Variants in PALM2AKAP2 observed in about 807,000 individuals in gnomAD.
PALM2AKAP2 encodes PALM2-AKAP2 fusion protein.
PALM2AKAP2 carries 37 observed loss-of-function variants against 71.5 expected under a neutral mutation model. The ratio of observed to expected loss-of-function variants is 0.52; its 90% CI spans 0.40 to 0.68. The LOEUF is 0.68. Among genes scored for constraint, PALM2AKAP2 ranks in the 30% least tolerant of loss-of-function variants. PALM2AKAP2 has a pLI of 0.00. For missense variants in PALM2AKAP2, 1,224 were observed against 1,191.8 expected (o/e 1.03, Z -0.40); for synonymous variants, 468 against 478.8 (o/e 0.98, Z 0.29).
chr9:109,640,904 C>G (rs371141183), intron 1 of PALM2AKAP2: 1 of 1,505,518 alleles, frequency 6.6e-7, no homozygotes, highest in Non-Finnish European at 8.8e-7. Context: ...CTGCTCTCCT[C>G]TCGGCATGTT....
At chr9:110,032,490 A>G (rs926793228) in intron 7 of PALM2AKAP2, among the ~76,000 whole-genome samples, 1 of 151,948 alleles carries the variant, frequency 6.6e-6, no homozygotes, top group African/African-American at 2.4e-5. Context: ...CAGGAGTTTG[A>G]GACTATCCTG....
chr9:109,942,610 T>C (rs1032423912), intron 6 of PALM2AKAP2: 1 of 1,486,034 alleles, frequency 6.7e-7, no homozygotes, highest in Admixed American at 2.4e-5. Context: ...CCTTTTTTTT[T>C]GTCTGTTTGG....
At chr9:110,002,225 G>A (rs1431552245) in intron 6 of PALM2AKAP2, among the ~76,000 whole-genome samples, 1 of 146,662 alleles carries the variant, frequency 6.8e-6, no homozygotes, top group Admixed American at 6.6e-5. Context: ...TTAGCATGAA[G>A]GTTGTTGAAT....
At chr9:110,164,253 T>C (rs1836673573) in intron 3 of PALM2AKAP2, among the ~76,000 whole-genome samples, 1 of 152,228 alleles carries the variant, frequency 6.6e-6, no homozygotes, top group Non-Finnish European at 1.5e-5. Context: ...GGGCCCACTC[T>C]GTCTTCAATT....
intron 1 of PALM2AKAP2, among the ~76,000 whole-genome samples, chr9:109,687,180 G>A (rs1827818454): frequency 6.6e-6 from 1 of 152,106 alleles, no homozygotes; most frequent in South Asian, 2.1e-4. Flanking sequence ...CTAGGATTTG[G>A]GGGATAGTCA....
intron 6 of PALM2AKAP2, among the ~76,000 whole-genome samples, chr9:110,001,219 G>A (rs1193845340): frequency 6.6e-6 from 1 of 152,156 alleles, no homozygotes; most frequent in Non-Finnish European, 1.5e-5. Context: ...TCCAGTTTCA[G>A]CTTTCTACAT....
At chr9:109,791,961 C>T (rs1827122038) in intron 1 of PALM2AKAP2, among the ~76,000 whole-genome samples, 1 of 152,146 alleles carries the variant, frequency 6.6e-6, no homozygotes, top group Non-Finnish European at 1.5e-5. Context: ...TGACCCTCCC[C>T]CTCTACCCCC....
At chr9:110,141,117 C>T (rs905040997) in intron 2 of PALM2AKAP2, among the ~76,000 whole-genome samples, 2 of 152,164 alleles carry the variant, frequency 1.3e-5, no homozygotes, top group Non-Finnish European at 2.9e-5. Context: ...TCAATGCTTT[C>T]TCCTGATTCC....
chr9:110,106,054 A>G (rs1236682798), intron 1 of PALM2AKAP2, among the ~76,000 whole-genome samples: 1 of 152,250 alleles, frequency 6.6e-6, no homozygotes, highest in East Asian at 1.9e-4. Flanking sequence ...ATATAAATAC[A>G]GATATCCTTA....
intron 6 of PALM2AKAP2, among the ~76,000 whole-genome samples, chr9:109,981,469 A>G (rs1352492949): frequency 6.6e-6 from 1 of 152,202 alleles, no homozygotes; most frequent in Admixed American, 6.5e-5. Context: ...GCCTAGGTCT[A>G]GCTGAGCTGC....
chr9:109,691,464 G>A (rs1827883053), intron 1 of PALM2AKAP2, among the ~76,000 whole-genome samples: 1 of 151,872 alleles, frequency 6.6e-6, no homozygotes, highest in Non-Finnish European at 1.5e-5. Flanking sequence ...ATTTCAAATT[G>A]TGATCTTCCT....
At chr9:109,689,305 C>T (rs763036917) in intron 1 of PALM2AKAP2, among the ~76,000 whole-genome samples, 9 of 150,594 alleles carry the variant, frequency 6.0e-5, no homozygotes, top group East Asian at 2.0e-4. Flanking sequence ...TGGGTTCAAG[C>T]GATTCTCCTG....
intron 2 of PALM2AKAP2, 55 bp downstream of exon 8, chr9:110,138,594 A>T (rs1835955638): frequency 6.7e-7 from 1 of 1,490,196 alleles, no homozygotes; most frequent in South Asian, 1.4e-5. Context: ...GTTGTTGTTG[A>T]TTCCAGCTCA....
At chr9:109,825,071 C>G (rs564253500) in intron 1 of PALM2AKAP2, among the ~76,000 whole-genome samples, 1 of 152,128 alleles carries the variant, frequency 6.6e-6, no homozygotes, top group Non-Finnish European at 1.5e-5. Context: ...AAAGAATTTA[C>G]GAAACAAGAC....
At position 109,732,264 on chromosome 9, in the gene PALM2AKAP2, G is replaced by A. The variant is rs181833848; in HGVS notation, c.6-48224G>A. Among the ~76,000 whole-genome samples the A allele has an allele frequency of 1.7e-3, 254 of 152,314 alleles. 3 individuals are homozygous for A. Among genetic ancestry groups the A allele is most frequent in the Non-Finnish European group, 3.2e-4 (22 of 68,028 alleles). On this transcript the variant is annotated intron_variant, in intron 1 of 6. Transcript: ENST00000374531. The stretch of plus-strand genomic sequence containing the variant: ...AGCTCTCAGGTATATTGCCTCAGAA[G>A]GCTGGGAAGGTAGTGTGCTGTGATG...
At chr9:109,999,306 CA>C (rs1832635747) in intron 6 of PALM2AKAP2, among the ~76,000 whole-genome samples, 1 of 151,820 alleles carries the variant, frequency 6.6e-6, no homozygotes, top group Non-Finnish European at 1.5e-5. Flanking sequence ...ACCAAGATCA[CA>C]CCACTGCACC....
At chr9:109,918,114 T>A (rs1357201956) in intron 3 of PALM2AKAP2, among the ~76,000 whole-genome samples, 3 of 152,216 alleles carry the variant, frequency 2.0e-5, no homozygotes, top group Non-Finnish European at 4.4e-5. Flanking sequence ...CACATGGCTG[T>A]TTGCATTACT....
chr9:110,116,422 G>A (rs1835365170), intron 1 of PALM2AKAP2, among the ~76,000 whole-genome samples: 2 of 152,246 alleles, frequency 1.3e-5, no homozygotes, highest in South Asian at 2.1e-4. Flanking sequence ...GCGCGTGCAC[G>A]CGCACCTTGT....
chr9:110,159,842 G>C (rs1417415811), intron 3 of PALM2AKAP2, among the ~76,000 whole-genome samples: 1 of 152,186 alleles, frequency 6.6e-6, no homozygotes, highest in African/African-American at 2.4e-5. Context: ...ATGCAGAGAG[G>C]CCCCTGGCTT....
Sources: gnomAD v4.1 joint callset for allele counts (sites outside exome capture counted in the v4.1 genomes callset) on GRCh38, gnomAD v4.1.1 for gene constraint, MANE v1.5 for transcripts, NCBI Gene and HGNC (gene_info 2026-07-23, HGNC 2026-07-21) for gene names.